AOPEP: variants seen among roughly 807,000 people sequenced by gnomAD.
AOPEP encodes the protein aminopeptidase O (putative).
AOPEP carries 77 observed loss-of-function variants against 98.1 expected under a neutral mutation model. The ratio of observed to expected loss-of-function variants is 0.78; its 90% CI spans 0.65 to 0.95. The LOEUF (loss-of-function observed/expected upper bound fraction) is 0.95. Among genes scored for constraint, AOPEP ranks in the 40% least tolerant of loss-of-function variants. AOPEP has a pLI of 0.00. For synonymous variants in AOPEP, 346 were observed against 365.3 expected (o/e 0.95, Z 0.60); for missense variants, 1,024 against 1,024.7 (o/e 1.00, Z 0.01).
chr9:94,735,939 T>C (rs1015294212), intron 1 of AOPEP, among the ~76,000 whole-genome samples: 10 of 152,224 alleles, frequency 6.6e-5, no homozygotes, highest in Admixed American at 5.9e-4. Flanking sequence ...GTATCTTCCT[T>C]CTTTCACGTC....
chr9:95,007,854 G>A (rs899505719), intron 13 of AOPEP, among the ~76,000 whole-genome samples: 1 of 152,158 alleles, frequency 6.6e-6, no homozygotes, highest in African/African-American at 2.4e-5. Context: ...GTGATCATGT[G>A]TATTCATTCC....
chr9:94,777,529 C>T (rs1011549872), intron 3 of AOPEP, among the ~76,000 whole-genome samples: 3 of 148,668 alleles, frequency 2.0e-5, no homozygotes, highest in South Asian at 2.1e-4. Flanking sequence ...ATCAGTAGGA[C>T]GAAGTGTAAA....
At chr9:95,069,988 A>C (rs1461193251) in intron 14 of AOPEP, among the ~76,000 whole-genome samples, 1 of 152,276 alleles carries the variant, frequency 6.6e-6, no homozygotes, top group Non-Finnish European at 1.5e-5. Context: ...AATAACATTC[A>C]GATTGCAGCC....
In AOPEP at chr9:95,074,583, T is replaced by C. The variant is rs182197812; in HGVS notation, c.2233-6111T>C. On this transcript the variant is annotated intron_variant, in intron 14 of 16. Coordinates refer to ENST00000375315, the MANE Select transcript of AOPEP (RefSeq NM_001193329.3). ...GCACTGTCATTGTTTCTGTTGAGCA[T>C]GTCCCGTAAGCAGAACACTTTGAAC... Among the ~76,000 whole-genome samples, 1,487 of 152,336 alleles carry C rather than the reference T, an allele frequency of 9.8e-3. 16 individuals carry two copies. The highest frequency in any genetic ancestry group is 0.013 in the Non-Finnish European group (869 of 68,026).
intron 1 of AOPEP, among the ~76,000 whole-genome samples, chr9:94,758,190 C>T (rs1219878653): frequency 4.6e-5 from 7 of 152,206 alleles, no homozygotes; most frequent in Admixed American, 6.5e-5. Context: ...AGGCAGGAGC[C>T]AGGAGCGCTC....
chr9:94,950,527 G>A (rs554251949), intron 7 of AOPEP, among the ~76,000 whole-genome samples: 2 of 152,324 alleles, frequency 1.3e-5, no homozygotes, highest in South Asian at 2.1e-4. Flanking sequence ...CTGGGGCTCA[G>A]ATGGGCACTG....
At chr9:95,099,448 G>T in the AOPEP span, 1 of 226,260 alleles carries the variant, frequency 4.4e-6, no homozygotes, top group African/African-American at 2.3e-5. Flanking sequence ...TCCCCGCCCA[G>T]CATCTCGGAT....
At chr9:95,070,211 C>T (rs2068349447) in intron 14 of AOPEP, among the ~76,000 whole-genome samples, 1 of 152,326 alleles carries the variant, frequency 6.6e-6, no homozygotes, top group East Asian at 1.9e-4. Flanking sequence ...AGAGGCCCCC[C>T]TTACCAGCCA....
the AOPEP span, among the ~76,000 whole-genome samples, chr9:95,139,933 A>G: frequency 1.3e-5 from 2 of 151,088 alleles, no homozygotes; most frequent in Non-Finnish European, 2.9e-5. Context: ...AGGGAAACTA[A>G]AAAATTTCAT....
At chr9:95,112,837 C>T in the AOPEP span, among the ~76,000 whole-genome samples, 1 of 152,228 alleles carries the variant, frequency 6.6e-6, no homozygotes, top group Non-Finnish European at 1.5e-5. Flanking sequence ...GAAGTGGGAG[C>T]CCCACGAGGT....
intron 5 of AOPEP, among the ~76,000 whole-genome samples, chr9:94,842,392 A>G (rs553813218): frequency 4.1e-4 from 62 of 152,060 alleles, no homozygotes; most frequent in African/African-American, 1.5e-3. Flanking sequence ...CAAACAAACA[A>G]AATAAAACCA....
intron 9 of AOPEP, among the ~76,000 whole-genome samples, chr9:94,966,318 A>G (rs10993412): frequency 0.076 from 11,504 of 151,502 alleles, 1,014 homozygotes; most frequent in African/African-American, 0.22. Context: ...ACTGGGTGTC[A>G]TCAGAGTCCT....
At chr9:94,761,235 G>A (rs1457268535) in intron 2 of AOPEP, among the ~76,000 whole-genome samples, 1 of 152,064 alleles carries the variant, frequency 6.6e-6, no homozygotes, top group Non-Finnish European at 1.5e-5. Flanking sequence ...GTTTTCGTTC[G>A]AGGAGAAGGA....
chr9:95,124,066 T>G, the AOPEP span, among the ~76,000 whole-genome samples: 1 of 127,952 alleles, frequency 7.8e-6, no homozygotes, highest in African/African-American at 3.0e-5. Context: ...ATCACATCAC[T>G]GCACTCCAGC....
At position 94,757,091 on chromosome 9, in the gene AOPEP, T is replaced by C. The variant is rs73654270; in HGVS notation, c.-135-2558T>C. The stretch of plus-strand genomic sequence containing the variant: ...CTTGGCTCTCTCAAAACCCCAGAAG[T>C]TGGGATTCAGTGGGGCAGAATAAGC... On this transcript the variant is annotated intron_variant, in intron 1 of 16. Coordinates refer to ENST00000375315, the MANE Select transcript of AOPEP (RefSeq NM_001193329.3). 6.6e-3 allele frequency among the ~76,000 whole-genome samples: 1,011 copies of C among 152,312 alleles called. 8 individuals are homozygous for C. The highest frequency in any genetic ancestry group is 0.023 in the African/African-American group (974 of 41,550).
intron 5 of AOPEP, among the ~76,000 whole-genome samples, chr9:94,900,195 C>T (rs2050200167): frequency 6.6e-6 from 1 of 152,194 alleles, no homozygotes; most frequent in African/African-American, 2.4e-5. Flanking sequence ...CCTGAGTTTT[C>T]TTGTCTGTGA....
chr9:94,769,455 A>G (rs555312267), intron 2 of AOPEP, among the ~76,000 whole-genome samples: 1 of 152,338 alleles, frequency 6.6e-6, no homozygotes, highest in African/African-American at 2.4e-5. Context: ...TGGGAGCACA[A>G]AGATAATTTA....
intron 5 of AOPEP, among the ~76,000 whole-genome samples, chr9:94,840,260 A>G (rs2042120744): frequency 6.6e-6 from 1 of 151,940 alleles, no homozygotes; most frequent in Non-Finnish European, 1.5e-5. Context: ...AGGATCTATG[A>G]TTTTTCTTTT....
the AOPEP span, among the ~76,000 whole-genome samples, chr9:95,113,266 G>A: frequency 6.6e-6 from 1 of 152,244 alleles, no homozygotes; most frequent in African/African-American, 2.4e-5. Context: ...CTGGACATAG[G>A]TGTGTCACCC....
Sources: allele counts gnomAD v4.1 joint callset (sites outside exome capture counted in the v4.1 genomes callset), GRCh38; gene constraint gnomAD v4.1.1; transcripts MANE v1.5; gene names NCBI Gene and HGNC (gene_info 2026-07-23, HGNC 2026-07-21).